SYTL5: variants seen among roughly 807,000 people sequenced by gnomAD.
SYTL5 encodes synaptotagmin like 5.
A neutral mutation model predicts 55.9 loss-of-function variants in SYTL5; 34 were observed. That is an observed-to-expected ratio of 0.61 (90% CI 0.46 to 0.81). The LOEUF (loss-of-function observed/expected upper bound fraction) is 0.81. Among genes scored for constraint, SYTL5 ranks in the 30% least tolerant of loss-of-function variants. SYTL5 has a pLI of 0.00. For missense variants in SYTL5, 637 were observed against 546.7 expected, an observed-to-expected ratio of 1.17 and a Z score of -1.65; for synonymous variants, 221 against 188.7, an observed-to-expected ratio of 1.17 and a Z score of -1.40.
chrX:38,045,883 C>T (rs1416670323), intron 2 of SYTL5, among the ~76,000 whole-genome samples: 1 of 111,711 alleles, frequency 9.0e-6, no homozygotes, highest in Admixed American at 9.5e-5. Context: ...GTGATAAGAT[C>T]CAGTTTGGGC....
At chrX:38,119,664 A>C (rs1005011402) in intron 13 of SYTL5, among the ~76,000 whole-genome samples, 4 of 112,239 alleles carry the variant, frequency 3.6e-5, no homozygotes, top group African/African-American at 1.3e-4. Flanking sequence ...TTTTGTGTGG[A>C]TATAATGTTT....
intron 6 of SYTL5, among the ~76,000 whole-genome samples, chrX:38,085,180 G>A (rs909284898): frequency 7.2e-5 from 8 of 111,364 alleles, no homozygotes; most frequent in South Asian, 7.6e-4. Flanking sequence ...CAATGCAGGT[G>A]GAGAGATGTC....
chrX:38,028,841 GAC>G (rs1934863253), intron 1 of SYTL5, among the ~76,000 whole-genome samples: 1 of 111,773 alleles, frequency 8.9e-6, no homozygotes, highest in South Asian at 3.8e-4. Context: ...GTTGGTGGAT[GAC>G]AAAATGTCTT....
At chrX:38,064,294 C>A (rs182883059) in intron 3 of SYTL5, among the ~76,000 whole-genome samples, 56 of 111,235 alleles carry the variant, frequency 5.0e-4, no homozygotes, top group Non-Finnish European at 8.1e-4. Flanking sequence ...CAATCAAAAC[C>A]CCACTAGCAT....
chrX:37,940,055 C>T, the SYTL5 span, among the ~76,000 whole-genome samples: 25 of 110,107 alleles, frequency 2.3e-4, no homozygotes, highest in Middle Eastern at 9.3e-3. Context: ...AGGCAGGTCT[C>T]GAACTCTTGA....
chrX:38,023,530 A>G (rs775581773), intron 1 of SYTL5, among the ~76,000 whole-genome samples: 8 of 112,110 alleles, frequency 7.1e-5, no homozygotes, highest in Non-Finnish European at 1.3e-4. Context: ...TATTATGTAC[A>G]TGCATATATC....
chrX:37,961,840 TAA>T, the SYTL5 span, among the ~76,000 whole-genome samples: 1 of 112,070 alleles, frequency 8.9e-6, no homozygotes, highest in Non-Finnish European at 1.9e-5. Context: ...CTCTTAATCT[TAA>T]GAGTAACACT....
the SYTL5 span, among the ~76,000 whole-genome samples, chrX:37,894,959 T>C: frequency 9.0e-6 from 1 of 111,440 alleles, no homozygotes; most frequent in Non-Finnish European, 1.9e-5. Flanking sequence ...TACCACCAGC[T>C]TTCCTGGTGC....
At position 38,073,608 on chromosome X, in the gene SYTL5, G is replaced by T. The variant is rs929379105; in HGVS notation, c.464G>T (p.Ser155Ile). ...RRSPGAEEVQSQEQTRQDAEK... is the reference protein window; with the variant it reads ...RRSPGAEEVQIQEQTRQDAEK... ...TAATGAGGAGCTGAAGAAGTACAGAGCCAAGAGCAAACCCGCCAGGATGCA... is the reference window on the plus strand; with the variant it reads ...TAATGAGGAGCTGAAGAAGTACAGATCCAAGAGCAAACCCGCCAGGATGCA... The change falls in exon 5 of 17, where the codon AGC (serine) becomes ATC (isoleucine). Residue 155 changes from serine to isoleucine, a missense_variant. Coordinates refer to ENST00000297875, the MANE Select transcript of SYTL5 (RefSeq NM_138780.3). The T allele has an allele frequency of 1.2e-5, 14 of 1,189,774 alleles. No individual in the cohort carries two copies. The highest frequency in any genetic ancestry group is 1.5e-5 in the Non-Finnish European group (13 of 884,747).
chrX:37,993,344 T>C, the SYTL5 span, among the ~76,000 whole-genome samples: 64 of 112,359 alleles, frequency 5.7e-4, 1 homozygote, highest in Admixed American at 5.4e-3. Context: ...AAGACTTATT[T>C]GGGCTTTGGA....
chrX:38,022,216 A>G (rs1934574667), intron 1 of SYTL5, among the ~76,000 whole-genome samples: 2 of 112,051 alleles, frequency 1.8e-5, no homozygotes, highest in East Asian at 5.6e-4. Context: ...TGCAACCCAA[A>G]CTTTGAATAA....
the SYTL5 span, among the ~76,000 whole-genome samples, chrX:37,945,398 C>T: frequency 9.0e-6 from 1 of 111,614 alleles, no homozygotes; most frequent in East Asian, 2.8e-4. Flanking sequence ...AAATTATTTT[C>T]TCCTCAGTGG....
At chrX:37,896,125 A>C in the SYTL5 span, among the ~76,000 whole-genome samples, 1 of 112,297 alleles carries the variant, frequency 8.9e-6, no homozygotes, top group Non-Finnish European at 1.9e-5. Flanking sequence ...AAATGTAGCA[A>C]TTGATGGGTT....
the SYTL5 span, among the ~76,000 whole-genome samples, chrX:37,996,045 T>A: frequency 8.9e-6 from 1 of 111,855 alleles, no homozygotes; most frequent in South Asian, 3.8e-4. Context: ...TTCTGGGCTC[T>A]TTCAGACTCT....
At chrX:38,121,478 T>A (rs1458979964) in intron 14 of SYTL5, among the ~76,000 whole-genome samples, 1 of 112,122 alleles carries the variant, frequency 8.9e-6, no homozygotes, top group Non-Finnish European at 1.9e-5. Flanking sequence ...TTCATATATG[T>A]AAGGTGCTTA....
the SYTL5 span, among the ~76,000 whole-genome samples, chrX:37,910,309 C>T: frequency 1.8e-5 from 2 of 111,759 alleles, no homozygotes; most frequent in Non-Finnish European, 3.8e-5. Context: ...ATGTCTGTGT[C>T]CTAATCTCTT....
At chrX:37,990,980 C>T in the SYTL5 span, 24 of 1,212,068 alleles carry the variant, frequency 2.0e-5, no homozygotes, top group Non-Finnish European at 2.7e-5. Context: ...GCCAGAGTTC[C>T]TCCACAATAA....
the SYTL5 span, among the ~76,000 whole-genome samples, chrX:37,940,348 T>C: frequency 5.5e-5 from 6 of 109,637 alleles, no homozygotes; most frequent in Non-Finnish European, 1.1e-4. Context: ...TCCTATAGGC[T>C]GGATTTAGCC....
At chrX:38,056,355 C>T (rs1293923250) in intron 3 of SYTL5, among the ~76,000 whole-genome samples, 2 of 111,997 alleles carry the variant, frequency 1.8e-5, no homozygotes, top group Admixed American at 9.5e-5. Flanking sequence ...TTTTCTTCAT[C>T]CATTTATCTG....
Sources: allele counts gnomAD v4.1 joint callset (sites outside exome capture counted in the v4.1 genomes callset), GRCh38; gene constraint gnomAD v4.1.1; transcripts MANE v1.5; gene names NCBI Gene and HGNC (gene_info 2026-07-23, HGNC 2026-07-21).